The following DGKZ variants were observed in gnomAD, a reference collection of about 807,000 sequenced individuals.
The protein encoded by DGKZ is DAG kinase zeta.
In DGKZ, 45 loss-of-function variants were observed where a neutral mutation model predicts 142.5. The observed-to-expected ratio is 0.32, with a 90% CI of 0.25 to 0.40. The LOEUF (loss-of-function observed/expected upper bound fraction) is 0.40, where lower values mean the gene tolerates loss of function less well. Ranked by LOEUF, DGKZ falls within the 10% of genes least tolerant of loss-of-function variation. The pLI is 1.00. For missense variants in DGKZ, 755 were observed against 1,306.5 expected, an observed-to-expected ratio of 0.58 and a Z score of 6.51; for synonymous variants, 442 against 527.0, an observed-to-expected ratio of 0.84 and a Z score of 2.21.
chr11:46,335,454 C>T lies in DGKZ; in HGVS notation c.212+1967C>T, dbSNP rs578258548. ...ACACACACACACACACACACACACA[C>T]GCACACAGCGGCAAGGGCTGGGATT... is the stretch of plus-strand genomic sequence containing the variant. On this transcript the variant is annotated intron_variant, in intron 1 of 30. Transcript: ENST00000343674. Among the ~76,000 whole-genome samples the T allele has an allele frequency of 6.7e-4, 102 of 151,950 alleles. 1 individual carries two copies. Among genetic ancestry groups the T allele is most frequent in the African/African-American group, 2.3e-3 (94 of 41,244 alleles).
exon 15 of DGKZ, chr11:46,374,167 A>G: frequency 6.2e-7 from 1 of 1,614,166 alleles, no homozygotes; most frequent in Non-Finnish European, 8.5e-7. Context: ...TTGCCCCTGG[A>G]TGTCTTCAAC....
intron 1 of DGKZ, among the ~76,000 whole-genome samples, chr11:46,349,139 C>G (rs1165289824): frequency 2.0e-5 from 3 of 152,264 alleles, no homozygotes; most frequent in African/African-American, 7.2e-5. Context: ...TCTCTGAGCA[C>G]ATGCACAGAT....
intron 14 of DGKZ, among the ~76,000 whole-genome samples, chr11:46,373,695 A>G (rs1406959833): frequency 6.6e-6 from 1 of 152,036 alleles, no homozygotes. Context: ...ATGGGGTCTC[A>G]CCATGTTGGT....
At position 46,377,199 on chromosome 11, in the gene DGKZ, T is replaced by C. The variant is rs1442886058; in HGVS notation, c.2329T>C (p.Ser777Pro). The C allele has an allele frequency of 1.3e-6, 2 of 1,597,916 alleles. No homozygotes were observed. Among genetic ancestry groups the C allele is most frequent in the Admixed American group, 3.4e-5 (2 of 58,946 alleles). Residue 777 changes from serine (S) to proline (P), a missense_variant, in exon 25 of 31, where the codon TCA becomes CCA. Around this residue, in one of 8 missense-constraint regions of DGKZ, gnomAD observed 87 missense variants for 112.2 expected, o/e 0.78. Coordinates refer to ENST00000527911, the Ensembl canonical transcript of DGKZ. ...TTCCCCTCTCCCCACCTCACCCTGC[T>C]CACCCACGCCCCGGTGAGTCCTGGT... is the stretch of plus-strand genomic sequence containing the variant.
In DGKZ at chr11:46,375,648, C is replaced by G. The variant is rs1944444419; in HGVS notation, c.1910+17C>G. On this transcript the variant is annotated intron_variant, in intron 20 of 30. Coordinates refer to ENST00000527911, the Ensembl canonical transcript of DGKZ. ...GCACAGCGAGTACGTCCCACCCTGC[C>G]ACGTGCCCTGGGTGCCAAGGCCAGA... 6.5e-7 allele frequency: 1 copy of G among 1,542,844 alleles called. No homozygotes were observed. The highest frequency in any genetic ancestry group is 8.7e-7 in the Non-Finnish European group (1 of 1,148,938).
intron 6 of DGKZ, among the ~76,000 whole-genome samples, chr11:46,370,712 A>G (rs1943845150): frequency 6.6e-6 from 1 of 152,104 alleles, no homozygotes; most frequent in Non-Finnish European, 1.5e-5. Context: ...CGTGCAGGTA[A>G]CTTCAGGGAG....
chr11:46,378,947 G>A, intron 27 of DGKZ, 44 bp from the exon 28 acceptor site: 2 of 1,504,726 alleles, frequency 1.3e-6, no homozygotes, highest in Non-Finnish European at 1.8e-6. Context: ...GGGAAGGAGG[G>A]GTGGCCCCAG....
intron 25 of DGKZ, chr11:46,377,529 G>T: frequency 2.4e-6 from 1 of 419,320 alleles, no homozygotes; most frequent in South Asian, 4.6e-5. Context: ...CCACGCCCTG[G>T]CCCCCAGCTC....
rs563892132 is a variant in DGKZ at position 46,374,564 on chromosome 11, A to T, written c.1462-40A>T. The stretch of plus-strand genomic sequence containing the variant: ...CCCTGCCGGGTGCTGGTGAGGAAAG[A>T]TCTCTGTCAGCAGATGGTGACGCCC... On this transcript the variant is annotated intron_variant, in intron 16 of 30. Transcript: ENST00000527911. 44 of 1,601,522 alleles carry T rather than the reference A, an allele frequency of 2.7e-5. No individual in the cohort carries two copies. The African/African-American group carries it at 5.0e-4, about 18-fold the overall frequency.
intron 1 of DGKZ, chr11:46,333,540 C>A: frequency 6.7e-7 from 1 of 1,482,818 alleles, no homozygotes; most frequent in Non-Finnish European, 9.1e-7. Flanking sequence ...ACCCCTCTTG[C>A]AGGCGTCATT....
rs1048806298 is a variant in DGKZ, at chr11:46,347,828, G to A, written c.161+8G>A. The stretch of plus-strand genomic sequence containing the variant: ...GCGGCTCTTCGGGCACAGGTGAGCG[G>A]GGCGGCGGCGGGGCAGGCACCGAGG... On this transcript the variant is annotated splice_region_variant and intron_variant, in intron 1 of 30. Coordinates refer to ENST00000527911, the Ensembl canonical transcript of DGKZ. This position sits in a 1 kb window ranked among gnomAD's most constrained non-coding sequence, Gnocchi z 6.4. The A allele has an allele frequency of 4.6e-5, 59 of 1,273,094 alleles. No homozygotes were observed. In the Admixed American group the frequency reaches 5.9e-4, roughly 13 times the overall value. 78.9% of individuals were successfully genotyped at this position (1,273,094 alleles called of 1,614,324 possible). A position where few individuals can be genotyped will look rare whatever the true frequency, so the allele number is the denominator to read the frequency against.
exon 1 of DGKZ, chr11:46,333,000 C>CG (rs1028966461): frequency 5.4e-5 from 17 of 316,114 alleles, no homozygotes; most frequent in Admixed American, 4.0e-4. Context: ...TCCAGCCGTC[C>CG]GGGGGGCGCC....
At position 46,367,306 on chromosome 11, in the gene DGKZ, G is replaced by A. The variant is rs748200605; in HGVS notation, c.177G>A (p.Lys59=). ...TCCTCTCTAGGAAAGCCATCACCAA[G>A]TCGGGCCTCCAGCACCTGGCCCCCC... The change falls in exon 2 of 31, where the codon AAG becomes AAA. Residue 59 remains lysine (K), a synonymous_variant. Coordinates refer to ENST00000527911, the Ensembl canonical transcript of DGKZ. The surrounding 1 kb of genome is among the most constrained non-coding windows in gnomAD (Gnocchi z 4.1). 1.9e-5 allele frequency: 31 copies of A among 1,612,132 alleles called. No homozygotes were observed. The highest frequency in any genetic ancestry group is 1.0e-4 in the Admixed American group (6 of 59,992).
At chr11:46,369,582 A>G (rs761568294) in intron 5 of DGKZ, 32 bp downstream of exon 5, 14 of 1,611,552 alleles carry the variant, frequency 8.7e-6, no homozygotes, top group South Asian at 7.7e-5. Context: ...GGATGGGGCC[A>G]CCCTAAGATT....
chr11:46,364,313 T>G, intron 1 of DGKZ: 1 of 1,248,648 alleles, frequency 8.0e-7, no homozygotes, highest in Non-Finnish European at 1.1e-6. Context: ...GGTTGCAGTT[T>G]ATGAAATGAT....
At chr11:46,338,235 G>A (rs1378557076) in intron 1 of DGKZ, among the ~76,000 whole-genome samples, 1 of 152,118 alleles carries the variant, frequency 6.6e-6, no homozygotes, top group African/African-American at 2.4e-5. Flanking sequence ...GGTGGCTCAC[G>A]CCTGTAATCT....
rs201033672 is a variant in DGKZ at position 46,366,825 on chromosome 11, G to A, written c.162-466G>A. The A allele has an allele frequency of 2.9e-4, 444 of 1,545,422 alleles. 4 individuals are homozygous for A. The highest frequency in any genetic ancestry group is 2.8e-3 in the South Asian group (240 of 84,684). On this transcript the variant is annotated intron_variant, in intron 1 of 30. Transcript: ENST00000527911. ...GGCTACTATCGGCGCCTCAGCCAGC[G>A]GCGGCCCTCAGGCCAGCACCCTGGC...
intron 1 of DGKZ, among the ~76,000 whole-genome samples, chr11:46,357,552 A>G (rs1232588077): frequency 2.0e-5 from 3 of 152,220 alleles, no homozygotes; most frequent in African/African-American, 7.2e-5. Context: ...TCCTCCCTTA[A>G]GGTGCTGGCC....
upstream of DGKZ, chr11:46,347,331 G>A (rs1940739312): frequency 2.2e-5 from 22 of 984,802 alleles, no homozygotes; most frequent in Non-Finnish European, 2.5e-5. This position sits in a 1 kb window ranked among gnomAD's most constrained non-coding sequence, Gnocchi z 6.4. Context: ...CCGCCCCAGC[G>A]GGCTGCAGCG....
Sources: gnomAD v4.1 joint callset for allele counts (sites outside exome capture counted in the v4.1 genomes callset) on GRCh38, gnomAD v4.1.1 for gene constraint, gnomAD v4.1.1 regional missense constraint, Gnocchi (gnomAD v3.1) non-coding constraint, MANE v1.5 for transcripts, NCBI Gene and HGNC (gene_info 2026-07-23, HGNC 2026-07-21) for gene names.